Variants in GALNTL6 observed in about 807,000 individuals in gnomAD.
GALNTL6 encodes polypeptide N-acetylgalactosaminyltransferase like 6.
A neutral mutation model predicts 73.7 loss-of-function variants in GALNTL6; 46 were observed. The observed-to-expected ratio is 0.62, with a 90% CI of 0.49 to 0.80. The LOEUF is 0.80. GALNTL6 is among the 30% of genes least tolerant of loss of function. The pLI is 0.00. For missense variants in GALNTL6, 604 were observed against 755.0 expected, an observed-to-expected ratio of 0.80 and a Z score of 2.34; for synonymous variants, 259 against 263.7, an observed-to-expected ratio of 0.98 and a Z score of 0.17.
chr4:172,848,814 G>A (rs1743652835), intron 7 of GALNTL6, among the ~76,000 whole-genome samples: 2 of 152,184 alleles, frequency 1.3e-5, no homozygotes, highest in African/African-American at 4.8e-5. Context: ...GCTGCCAGTG[G>A]AAACAGATGT....
intron 2 of GALNTL6, among the ~76,000 whole-genome samples, chr4:171,878,655 T>G (rs1736346117): frequency 6.6e-6 from 1 of 152,202 alleles, no homozygotes; most frequent in Admixed American, 6.5e-5. Flanking sequence ...TAGTTGTTTT[T>G]ATAATATTGT....
chr4:172,739,513 A>G (rs1736678439), intron 5 of GALNTL6, among the ~76,000 whole-genome samples: 1 of 152,186 alleles, frequency 6.6e-6, no homozygotes, highest in Non-Finnish European at 1.5e-5. Context: ...CCTATTAAAT[A>G]AAAGCCTTAA....
intron 4 of GALNTL6, among the ~76,000 whole-genome samples, chr4:172,336,213 AG>A (rs1741310709): frequency 6.7e-6 from 1 of 149,874 alleles, no homozygotes; most frequent in Non-Finnish European, 1.5e-5. Context: ...AAAAGGAGCA[AG>A]TTGTTTAATT....
At chr4:172,671,439 A>G (rs2111205636) in intron 5 of GALNTL6, among the ~76,000 whole-genome samples, 1 of 152,214 alleles carries the variant, frequency 6.6e-6, no homozygotes, top group Non-Finnish European at 1.5e-5. Context: ...ATGGGATTGC[A>G]TTCATGATTT....
chr4:172,159,695 A>T (rs1437501674), intron 2 of GALNTL6, among the ~76,000 whole-genome samples: 1 of 152,200 alleles, frequency 6.6e-6, no homozygotes, highest in African/African-American at 2.4e-5. Context: ...ATCACTCCAG[A>T]TCATGTAGTA....
chr4:173,032,273 C>A lies in GALNTL6; in HGVS notation c.1639-7660C>A, dbSNP rs181932450. Among the ~76,000 whole-genome samples the A allele has an allele frequency of 2.0e-5, 3 of 152,200 alleles. No individual in the cohort carries two copies. In the East Asian group the frequency reaches 5.8e-4, roughly 29 times the overall value. The stretch of plus-strand genomic sequence containing the variant: ...GACCATCCTGGCTAACACGGTGAAA[C>A]CCCGTCTCTACTAAAAATACAAAAA... On this transcript the variant is annotated intron_variant, in intron 12 of 12. Transcript: ENST00000506823.
chr4:172,407,625 A>G (rs1321225236), intron 5 of GALNTL6, among the ~76,000 whole-genome samples: 2 of 152,168 alleles, frequency 1.3e-5, no homozygotes, highest in African/African-American at 4.8e-5. Context: ...TCATTTTTGG[A>G]TTATGTCTAC....
In GALNTL6 at chr4:172,509,873, G is replaced by A. The variant is rs2110790491; in HGVS notation, c.553+161184G>A. Among the ~76,000 whole-genome samples the A allele has an allele frequency of 3.6e-5, 2 of 55,344 alleles. 1 individual carries two copies. 36.3% of individuals were successfully genotyped at this position (55,344 alleles called of 152,430 possible). ...GTAGTATAGTTTGGGGTAAGGTAATGTGATGCCTCCAGATTTGTTCTGTTT... is the reference window on the plus strand; with the variant it reads ...GTAGTATAGTTTGGGGTAAGGTAATATGATGCCTCCAGATTTGTTCTGTTT... On this transcript the variant is annotated intron_variant, in intron 5 of 12. Coordinates refer to ENST00000506823, the MANE Select transcript of GALNTL6 (RefSeq NM_001034845.3).
chr4:172,597,916 C>G (rs1325103449), intron 5 of GALNTL6, among the ~76,000 whole-genome samples: 1 of 150,882 alleles, frequency 6.6e-6, no homozygotes. Context: ...TCTGCCTTTT[C>G]ATTTCTTTTT....
intron 2 of GALNTL6, among the ~76,000 whole-genome samples, chr4:171,859,176 A>G (rs542217854): frequency 6.6e-6 from 1 of 152,312 alleles, no homozygotes; most frequent in African/African-American, 2.4e-5. Flanking sequence ...TAGGATTACA[A>G]GAGTACTCAT....
chr4:172,403,146 C>T (rs1744099497), intron 5 of GALNTL6, among the ~76,000 whole-genome samples: 2 of 152,006 alleles, frequency 1.3e-5, no homozygotes, highest in African/African-American at 2.4e-5. Context: ...CTAGGGAACA[C>T]ACCTCAGAGC....
At chr4:173,012,337 C>A (rs956353439) in intron 11 of GALNTL6, among the ~76,000 whole-genome samples, 2 of 152,142 alleles carry the variant, frequency 1.3e-5, no homozygotes, top group East Asian at 3.9e-4. Flanking sequence ...TCCCTCGCCC[C>A]ACCTCACTGC....
intron 2 of GALNTL6, among the ~76,000 whole-genome samples, chr4:172,219,254 AG>A (rs1191458845): frequency 1.5e-5 from 2 of 133,440 alleles, no homozygotes; most frequent in East Asian, 4.1e-4. Context: ...TATAGGCAAA[AG>A]AATAACCGTT....
chr4:172,139,164 A>G (rs1170532605), intron 2 of GALNTL6, among the ~76,000 whole-genome samples: 3 of 152,148 alleles, frequency 2.0e-5, no homozygotes, highest in South Asian at 2.1e-4. Context: ...AGAAAAGTAT[A>G]TAAGTTTGGA....
At chr4:171,890,976 A>G (rs762001703) in intron 2 of GALNTL6, among the ~76,000 whole-genome samples, 17 of 152,162 alleles carry the variant, frequency 1.1e-4, no homozygotes, top group Non-Finnish European at 1.6e-4. Context: ...TAAAGGTCAC[A>G]TTCTGGTCCT....
intron 2 of GALNTL6, among the ~76,000 whole-genome samples, chr4:172,064,878 T>C (rs1350830598): frequency 1.3e-5 from 2 of 152,186 alleles, no homozygotes; most frequent in African/African-American, 2.4e-5. Flanking sequence ...CAATAATCAC[T>C]ATTTTTCAAT....
At chr4:171,882,411 G>A (rs568908063) in intron 2 of GALNTL6, among the ~76,000 whole-genome samples, 64 of 152,286 alleles carry the variant, frequency 4.2e-4, no homozygotes, top group African/African-American at 1.4e-3. Context: ...TATATGAAGG[G>A]TAGTTTATAA....
intron 7 of GALNTL6, among the ~76,000 whole-genome samples, chr4:172,830,294 G>C (rs555103125): frequency 2.8e-4 from 42 of 152,258 alleles, no homozygotes; most frequent in Non-Finnish European, 4.0e-4. Context: ...ATGACCAATA[G>C]AGCAAATCTT....
intron 2 of GALNTL6, among the ~76,000 whole-genome samples, chr4:172,076,252 C>T (rs1467318996): frequency 1.3e-5 from 2 of 152,202 alleles, no homozygotes; most frequent in Admixed American, 1.3e-4. Context: ...TTTATTGCTG[C>T]TGGTCCTATT....
Sources: gnomAD v4.1 joint callset for allele counts (sites outside exome capture counted in the v4.1 genomes callset) on GRCh38, gnomAD v4.1.1 for gene constraint, MANE v1.5 for transcripts, NCBI Gene and HGNC (gene_info 2026-07-23, HGNC 2026-07-21) for gene names.